Variants in DYM observed in about 807,000 individuals in gnomAD.
The protein encoded by DYM is dymeclin, also known as dyggve-Melchior-Clausen syndrome protein.
DYM carries 78 observed loss-of-function variants against 93.1 expected under a neutral mutation model. The ratio of observed to expected loss-of-function variants is 0.84; its 90% CI spans 0.70 to 1.01. The LOEUF (loss-of-function observed/expected upper bound fraction) is 1.01, where lower values mean the gene tolerates loss of function less well. DYM is among the 50% of genes least tolerant of loss of function. The probability of loss-of-function intolerance (pLI) is 0.00; values close to 1 mark genes in which losing one functional copy is unlikely to be tolerated. For synonymous variants in DYM, 321 were observed against 319.7 expected, an observed-to-expected ratio of 1.00 and a Z score of -0.04; for missense variants, 789 against 845.0, an observed-to-expected ratio of 0.93 and a Z score of 0.82.
At chr18:49,051,489 C>T (rs537138193) in intron 17 of DYM, among the ~76,000 whole-genome samples, 3 of 152,310 alleles carry the variant, frequency 2.0e-5, no homozygotes, top group Admixed American at 1.3e-4. Flanking sequence ...AAGGTGTATT[C>T]CCTGCCATGC....
intron 1 of DYM, among the ~76,000 whole-genome samples, chr18:49,458,960 T>C (rs2083243052): frequency 1.3e-5 from 2 of 152,224 alleles, no homozygotes; most frequent in African/African-American, 2.4e-5. Context: ...TAGGAATGCA[T>C]AGGGACATAG....
chr18:49,319,244 A>G (rs1425752058), intron 8 of DYM, among the ~76,000 whole-genome samples: 2 of 152,228 alleles, frequency 1.3e-5, no homozygotes, highest in South Asian at 2.1e-4. Context: ...AACTAGATCT[A>G]AAGTACAGCA....
At chr18:49,166,086 C>T (rs2087826063) in intron 14 of DYM, among the ~76,000 whole-genome samples, 1 of 152,080 alleles carries the variant, frequency 6.6e-6, no homozygotes, top group Admixed American at 6.6e-5. Flanking sequence ...CTTTATCTTT[C>T]CTTTTTAAGG....
chr18:49,298,815 A>G (rs1037901526), intron 8 of DYM, among the ~76,000 whole-genome samples: 1 of 152,208 alleles, frequency 6.6e-6, no homozygotes, highest in African/African-American at 2.4e-5. Context: ...TGTCTCAGTA[A>G]AACTCTTGGT....
chr18:49,209,187 AAGG>A (rs971956795), intron 14 of DYM, among the ~76,000 whole-genome samples: 2 of 152,200 alleles, frequency 1.3e-5, no homozygotes, highest in African/African-American at 4.8e-5. Flanking sequence ...TGCTTGCATG[AAGG>A]AGAACTCAAA....
At chr18:49,206,172 GTATTTTTA>G (rs1568602419) in intron 14 of DYM, among the ~76,000 whole-genome samples, 7 of 151,680 alleles carry the variant, frequency 4.6e-5, no homozygotes, top group Non-Finnish European at 7.4e-5. Context: ...CTAATTTTTT[GTATTTTTA>G]GTAGAGACAG....
chr18:49,152,708 T>C (rs2085956956), intron 15 of DYM, among the ~76,000 whole-genome samples: 2 of 152,136 alleles, frequency 1.3e-5, no homozygotes, highest in African/African-American at 4.8e-5. Flanking sequence ...ACAGCTAAGA[T>C]ATGAAGACAA....
At chr18:49,048,157 A>G (rs914451363) in intron 17 of DYM, 1 of 152,256 alleles carries the variant, frequency 6.6e-6, no homozygotes, top group African/African-American at 2.4e-5. Context: ...GGTGTGAGGT[A>G]CAGAGCTCAG....
chr18:49,368,855 G>A (rs1259340964), intron 5 of DYM: 1 of 152,196 alleles, frequency 6.6e-6, no homozygotes, highest in East Asian at 1.9e-4. Context: ...GTGTTAGACA[G>A]GGGGTAATTA....
intron 5 of DYM, among the ~76,000 whole-genome samples, chr18:49,371,546 A>G (rs2067045503): frequency 6.6e-6 from 1 of 152,158 alleles, no homozygotes; most frequent in Admixed American, 6.5e-5. Flanking sequence ...TTCCAAAAAC[A>G]AACAGCAGAT....
Position 49,209,597 on chromosome 18 carries a change from G to C in DYM, c.1579C>G (p.Leu527Val). 1 of 1,289,784 alleles carries C rather than the reference G, an allele frequency of 7.8e-7. No individual in the cohort carries two copies. The highest frequency in any genetic ancestry group is 1.0e-6 in the Non-Finnish European group (1 of 988,856). 79.9% of individuals were successfully genotyped at this position (1,289,784 alleles called of 1,614,324 possible). A position where few individuals can be genotyped will look rare whatever the true frequency, so the allele number is the denominator to read the frequency against. The change falls in exon 14 of 18, where the codon CTC (leucine) becomes GTC (valine). Residue 527 changes from leucine to valine, a missense_variant. Physicochemically the swap from Leu to Val is conservative, Grantham distance 32 (BLOSUM62 1). Transcript: ENST00000675505. The part of the protein sequence containing the change: ...FSTLSDNGEE[L>V]LSLTCSHILR... ...ATGTGAGAGCAAGTTAAAGACAAGA[G>C]TTCCTCTCCATTGTCACTGAGGGTC...
intron 17 of DYM, among the ~76,000 whole-genome samples, chr18:49,065,166 T>C (rs147980872): frequency 6.6e-6 from 1 of 152,302 alleles, no homozygotes; most frequent in East Asian, 1.9e-4. Context: ...CTTGGGCTTC[T>C]TTGCACTGCA....
chr18:49,330,863 T>C (rs2063257410), intron 8 of DYM, among the ~76,000 whole-genome samples: 1 of 152,152 alleles, frequency 6.6e-6, no homozygotes, highest in South Asian at 2.1e-4. Context: ...GCAGAAGTGA[T>C]CACAAGTGTG....
chr18:49,438,826 G>A (rs948939030), intron 1 of DYM, among the ~76,000 whole-genome samples: 3 of 152,188 alleles, frequency 2.0e-5, no homozygotes, highest in Admixed American at 6.5e-5. Flanking sequence ...AGAAAACTGA[G>A]CCCCAATGGC....
chr18:49,175,328 A>G (rs2089261733), intron 14 of DYM, among the ~76,000 whole-genome samples: 1 of 152,216 alleles, frequency 6.6e-6, no homozygotes, highest in South Asian at 2.1e-4. Context: ...GCCTTACAAA[A>G]TCAGAAACAA....
chr18:49,301,522 G>C (rs77253595), intron 8 of DYM, among the ~76,000 whole-genome samples: 2 of 46,398 alleles, frequency 4.3e-5, no homozygotes, highest in South Asian at 1.5e-3. Flanking sequence ...CTCCGTCTCA[G>C]AAAAAAAAAA....
chr18:49,125,387 A>G (rs2082719971), intron 15 of DYM, among the ~76,000 whole-genome samples: 2 of 152,244 alleles, frequency 1.3e-5, no homozygotes, highest in Admixed American at 6.5e-5. Context: ...TGGCACTGCT[A>G]GTCCTAGTAG....
chr18:49,410,231 A>C (rs1489881745), intron 2 of DYM, among the ~76,000 whole-genome samples: 2 of 151,848 alleles, frequency 1.3e-5, no homozygotes, highest in Admixed American at 6.6e-5. Context: ...ATGCCCAGCA[A>C]ATTTTTTTTT....
At chr18:49,072,335 C>T (rs112422290) in intron 17 of DYM, among the ~76,000 whole-genome samples, 2,744 of 152,196 alleles carry the variant, frequency 0.018, 83 homozygotes, top group African/African-American at 0.062. Context: ...TGGAAAAAAT[C>T]ACTCCTGTGA....
Sources: gnomAD v4.1 joint callset for allele counts (sites outside exome capture counted in the v4.1 genomes callset) on GRCh38, gnomAD v4.1.1 for gene constraint, MANE v1.5 for transcripts, NCBI Gene and HGNC (gene_info 2026-07-23, HGNC 2026-07-21) for gene names.